The following ZMYND8 variants were observed in gnomAD, a reference collection of about 807,000 sequenced individuals.
ZMYND8 encodes the protein MYND-type zinc finger-containing chromatin reader ZMYND8.
ZMYND8 carries 37 observed loss-of-function variants against 140.8 expected under a neutral mutation model. That is an observed-to-expected ratio of 0.26 (90% CI 0.20 to 0.35). ZMYND8 has a LOEUF of 0.35. Ranked by LOEUF, ZMYND8 falls within the 10% of genes least tolerant of loss-of-function variation. ZMYND8 has a pLI of 1.00. For synonymous variants in ZMYND8, 592 were observed against 597.1 expected (o/e 0.99, Z 0.12); for missense variants, 1,068 against 1,570.0 (o/e 0.68, Z 5.40).
intron 21 of ZMYND8, among the ~76,000 whole-genome samples, chr20:47,213,058 C>T (rs41506149): frequency 8.5e-5 from 13 of 152,102 alleles, no homozygotes; most frequent in East Asian, 3.8e-4. Flanking sequence ...CCATGGGAAA[C>T]GGAGGCAGGC....
intron 19 of ZMYND8, among the ~76,000 whole-genome samples, chr20:47,223,667 A>G (rs2037308053): frequency 1.3e-5 from 2 of 151,914 alleles, no homozygotes; most frequent in Non-Finnish European, 2.9e-5. Flanking sequence ...TCTACTAAAA[A>G]TACTAAAAAT....
chr20:47,335,733 C>A (rs1183978637), intron 2 of ZMYND8, among the ~76,000 whole-genome samples: 1 of 152,140 alleles, frequency 6.6e-6, no homozygotes, highest in Non-Finnish European at 1.5e-5. Flanking sequence ...ACAAGGTTTG[C>A]ATGAGTGAAC....
At chr20:47,330,767 G>A (rs991093470) in intron 2 of ZMYND8, among the ~76,000 whole-genome samples, 5 of 152,296 alleles carry the variant, frequency 3.3e-5, no homozygotes, top group South Asian at 2.1e-4. Context: ...CTCTCTCGCC[G>A]AAAGGCTGCT....
intron 7 of ZMYND8, among the ~76,000 whole-genome samples, chr20:47,288,167 G>T (rs1221764563): frequency 1.3e-5 from 2 of 152,096 alleles, no homozygotes; most frequent in Non-Finnish European, 2.9e-5. Flanking sequence ...AAACTCAGAA[G>T]ATCCAGTAAC....
chr20:47,307,788 T>C (rs1383884470), intron 3 of ZMYND8, among the ~76,000 whole-genome samples: 1 of 151,132 alleles, frequency 6.6e-6, no homozygotes, highest in African/African-American at 2.4e-5. Flanking sequence ...GATTGCGCCA[T>C]TGCACTCCAA....
At chr20:47,221,597 G>C (rs767143293) in intron 19 of ZMYND8, 123 bp from the exon 20 acceptor site, 1 of 1,255,122 alleles carries the variant, frequency 8.0e-7, no homozygotes, top group Non-Finnish European at 1.1e-6. Flanking sequence ...GGGCATAAAA[G>C]TGGAGGCTCA....
intron 1 of ZMYND8, among the ~76,000 whole-genome samples, chr20:47,349,647 T>C (rs1260534858): frequency 6.6e-6 from 1 of 152,150 alleles, no homozygotes; most frequent in Non-Finnish European, 1.5e-5. Flanking sequence ...CGGAGATGGG[T>C]AGACAGTTAA....
chr20:47,311,386 G>A (rs372565807), intron 2 of ZMYND8, among the ~76,000 whole-genome samples: 7 of 152,126 alleles, frequency 4.6e-5, no homozygotes, highest in Non-Finnish European at 5.9e-5. Flanking sequence ...CGAGGCAGGC[G>A]GATCACCTGA....
intron 2 of ZMYND8, among the ~76,000 whole-genome samples, chr20:47,310,556 G>A (rs529746573): frequency 3.3e-4 from 50 of 152,038 alleles, no homozygotes; most frequent in African/African-American, 1.2e-3. Flanking sequence ...CCAGCACTTT[G>A]GGAGGCCAAA....
At position 47,209,829 on chromosome 20, in the gene ZMYND8, A is replaced by ACATGCTTCAT. The variant is rs1444804886; in HGVS notation, c.*922_*931dup. 3.3e-5 allele frequency: 5 copies of ACATGCTTCAT among 152,666 alleles called. No homozygotes were observed. The highest frequency in any genetic ancestry group is 1.2e-4 in the African/African-American group (5 of 41,452). 9.5% of individuals were successfully genotyped at this position (152,666 alleles called of 1,614,324 possible). Reference sequence around the variant, plus strand: ...AAATTCCATCATATAAATAATACGTACATGCTTCATCCCAGACTCAAACGT... The same window carrying ACATGCTTCAT: ...AAATTCCATCATATAAATAATACGTACATGCTTCATCATGCTTCATCCCAGACTCAAACGT... On this transcript the variant is annotated 3_prime_UTR_variant, in exon 23 of 23. Transcript: ENST00000471951.
rs978641949 is a variant in ZMYND8 at position 47,317,490 on chromosome 20, T to C, written c.86-7286A>G. 2.6e-5 allele frequency among the ~76,000 whole-genome samples: 4 copies of C among 151,966 alleles called. No individual in the cohort carries two copies. In the East Asian group the frequency reaches 7.7e-4, roughly 29 times the overall value. On this transcript the variant is annotated intron_variant, in intron 2 of 22. Transcript: ENST00000471951. ...AATGACACACCATTACAGGGAATTG[T>C]CTCCTCCCTCAAGGGAAAGGGCCGC...
Position 47,290,330 on chromosome 20 carries a change from G to C in ZMYND8, c.661-56C>G. On this transcript the variant is annotated intron_variant, in intron 6 of 22. Transcript: ENST00000471951. ...AGTGAGTCTAGACAAGCCACAGTCA[G>C]TGACTCTTGTGTCCCCACATAATTT... 6 of 1,473,084 alleles carry C rather than the reference G, an allele frequency of 4.1e-6. No homozygotes were observed. In the East Asian group the frequency reaches 1.2e-4, roughly 29 times the overall value. The allele number at this position is 1,473,084 out of a possible 1,614,324, so 91.3% of individuals were successfully genotyped here.
rs1429148182 is a variant in ZMYND8, at chr20:47,347,345, T to A, written c.85+511A>T. ...CTTGTGAATAAACGCATAAATTGTG[T>A]TTGTCCTAATTTGCTAAATTTTGAA... On this transcript the variant is annotated intron_variant, in intron 2 of 22. Transcript: ENST00000471951. Among the ~76,000 whole-genome samples, 8 of 152,226 alleles carry A rather than the reference T, an allele frequency of 5.3e-5. No homozygotes were observed. The South Asian group carries it at 8.3e-4, about 16-fold the overall frequency.
intron 2 of ZMYND8, among the ~76,000 whole-genome samples, chr20:47,340,246 G>T (rs1286772045): frequency 6.6e-6 from 1 of 152,158 alleles, no homozygotes; most frequent in Admixed American, 6.5e-5. Context: ...CCAGCCAGAA[G>T]CCAGGTGTTT....
At chr20:47,308,861 A>G (rs1422459920) in intron 3 of ZMYND8, among the ~76,000 whole-genome samples, 1 of 152,190 alleles carries the variant, frequency 6.6e-6, no homozygotes, top group East Asian at 1.9e-4. Context: ...CTTCCATGAA[A>G]GCAACAATCT....
intron 7 of ZMYND8, 59 bp from the exon 8 acceptor site, chr20:47,287,343 G>A (rs1281836805): frequency 4.2e-6 from 6 of 1,417,334 alleles, no homozygotes; most frequent in South Asian, 1.2e-5. Flanking sequence ...CCGGGCCTGG[G>A]GACTTTACTT....
At chr20:47,284,068 G>A (rs952534204) in intron 8 of ZMYND8, among the ~76,000 whole-genome samples, 3 of 152,042 alleles carry the variant, frequency 2.0e-5, no homozygotes, top group Non-Finnish European at 4.4e-5. Flanking sequence ...GATTACAGGC[G>A]TGCATCACCA....
rs148933588 is a variant in ZMYND8 at position 47,230,582 on chromosome 20, C to T, written c.2857-776G>A. Reference sequence around the variant, plus strand: ...GTGCTGAAGCCACTGTGCCTGACCCCCAGATGTCTTTTATTTGCCCAGCAC... The same window carrying T: ...GTGCTGAAGCCACTGTGCCTGACCCTCAGATGTCTTTTATTTGCCCAGCAC... On this transcript the variant is annotated intron_variant, in intron 16 of 22. Coordinates refer to ENST00000471951, the MANE Select transcript of ZMYND8 (RefSeq NM_001281775.3). Among the ~76,000 whole-genome samples, 566 of 152,182 alleles carry T rather than the reference C, an allele frequency of 3.7e-3. 6 individuals are homozygous for T. Among genetic ancestry groups the T allele is most frequent in the Non-Finnish European group, 2.7e-3 (185 of 67,984 alleles).
intron 2 of ZMYND8, among the ~76,000 whole-genome samples, chr20:47,325,572 G>C (rs1217999541): frequency 1.3e-5 from 2 of 152,098 alleles, no homozygotes; most frequent in Admixed American, 1.3e-4. Flanking sequence ...AGGGACCCCA[G>C]AACAGGACAT....
Sources: allele counts gnomAD v4.1 joint callset (sites outside exome capture counted in the v4.1 genomes callset), GRCh38; gene constraint gnomAD v4.1.1; transcripts MANE v1.5; gene names NCBI Gene and HGNC (gene_info 2026-07-23, HGNC 2026-07-21).